MALRD1: variants seen among roughly 807,000 people sequenced by gnomAD.
The protein encoded by MALRD1 is MAM and LDL-receptor class A domain-containing protein 1.
Under a neutral mutation model 242.1 loss-of-function variants are expected in MALRD1, and 247 were observed. That is an observed-to-expected ratio of 1.02 (90% CI 0.92 to 1.13). The LOEUF (loss-of-function observed/expected upper bound fraction) is 1.13. Ranked by LOEUF, MALRD1 falls within the 50% of genes most tolerant of loss-of-function variation. The pLI is 0.00. For missense variants in MALRD1, 2,989 were observed against 2,533.1 expected, an observed-to-expected ratio of 1.18 and a Z score of -3.86; for synonymous variants, 995 against 866.6, an observed-to-expected ratio of 1.15 and a Z score of -2.60.
At chr10:19,432,389 A>G (rs1451949377) in intron 28 of MALRD1, among the ~76,000 whole-genome samples, 7 of 152,172 alleles carry the variant, frequency 4.6e-5, no homozygotes. Flanking sequence ...AATTAAGATT[A>G]TTTTTTACCT....
At chr10:19,546,318 T>C (rs1835206438) in intron 32 of MALRD1, among the ~76,000 whole-genome samples, 1 of 152,242 alleles carries the variant, frequency 6.6e-6, no homozygotes, top group African/African-American at 2.4e-5. Context: ...AGTGTGTTTA[T>C]GTTTACGATG....
At chr10:19,475,992 C>A (rs1023842522) in intron 29 of MALRD1, among the ~76,000 whole-genome samples, 1 of 152,212 alleles carries the variant, frequency 6.6e-6, no homozygotes, top group African/African-American at 2.4e-5. Flanking sequence ...CGCTCCTCTC[C>A]TCACTTTTAC....
At position 19,325,836 on chromosome 10, in the gene MALRD1, G is replaced by A. The variant is rs985879608; in HGVS notation, c.3577-1727G>A. Among the ~76,000 whole-genome samples the A allele has an allele frequency of 3.8e-4, 58 of 152,162 alleles. 1 individual carries two copies. Among genetic ancestry groups the A allele is most frequent in the African/African-American group, 1.4e-3 (57 of 41,530 alleles). On this transcript the variant is annotated intron_variant, in intron 22 of 39. Coordinates refer to ENST00000454679, the MANE Select transcript of MALRD1 (RefSeq NM_001142308.3). ...GAGTTTCCTGCTTTCTTTTTCCCCA[G>A]TAGAGAGATACAGACTGTGACTAAC...
intron 33 of MALRD1, among the ~76,000 whole-genome samples, chr10:19,586,743 G>A (rs1487816681): frequency 6.6e-6 from 1 of 152,232 alleles, no homozygotes; most frequent in African/African-American, 2.4e-5. Flanking sequence ...TTGAGCTGTG[G>A]TGGGCTCCAC....
At chr10:19,364,794 G>A (rs903398431) in intron 26 of MALRD1, among the ~76,000 whole-genome samples, 5 of 152,068 alleles carry the variant, frequency 3.3e-5, no homozygotes, top group East Asian at 1.9e-4. Context: ...CTCTACTTAT[G>A]TAATAGGGGT....
At chr10:19,555,382 A>C (rs921749425) in intron 32 of MALRD1, among the ~76,000 whole-genome samples, 3 of 152,100 alleles carry the variant, frequency 2.0e-5, no homozygotes, top group Admixed American at 1.3e-4. Flanking sequence ...GTAGGACTTC[A>C]TTTTTACAAC....
chr10:19,204,875 T>C (rs1308248774), intron 16 of MALRD1, 23 bp from the exon 17 acceptor site: 1 of 1,516,182 alleles, frequency 6.6e-7, no homozygotes, highest in Non-Finnish European at 8.9e-7. Context: ...TCACTTCCAT[T>C]TCTTACGTTT....
intron 18 of MALRD1, among the ~76,000 whole-genome samples, chr10:19,235,508 G>C (rs1202761539): frequency 6.8e-6 from 1 of 147,880 alleles, no homozygotes; most frequent in East Asian, 2.0e-4. Flanking sequence ...GTAGATTCTG[G>C]ATACTAAAAA....
chr10:19,336,254 T>C (rs997961615), intron 24 of MALRD1, among the ~76,000 whole-genome samples: 5 of 152,274 alleles, frequency 3.3e-5, no homozygotes, highest in East Asian at 1.9e-4. Context: ...TACAGAGACT[T>C]CTATGGGAAA....
chr10:19,401,156 T>G (rs1159620503), intron 28 of MALRD1, among the ~76,000 whole-genome samples: 3 of 152,172 alleles, frequency 2.0e-5, no homozygotes, highest in Non-Finnish European at 4.4e-5. Flanking sequence ...ATTAAGGATA[T>G]GATATTAATG....
chr10:19,126,209 T>C (rs1472937613), intron 7 of MALRD1, among the ~76,000 whole-genome samples: 2 of 152,166 alleles, frequency 1.3e-5, no homozygotes, highest in Admixed American at 1.3e-4. Flanking sequence ...AATTTCAGTA[T>C]GATGAGTGCA....
intron 31 of MALRD1, among the ~76,000 whole-genome samples, chr10:19,515,954 T>C (rs981826289): frequency 2.6e-5 from 4 of 152,216 alleles, no homozygotes; most frequent in Non-Finnish European, 5.9e-5. Flanking sequence ...CTTACACCTA[T>C]TTAATTCACT....
At chr10:19,450,212 A>T (rs1356905949) in intron 28 of MALRD1, 95 bp from the exon 29 acceptor site, 3 of 1,067,700 alleles carry the variant, frequency 2.8e-6, no homozygotes, top group Non-Finnish European at 4.0e-6. Flanking sequence ...TTATTGGTCA[A>T]ATGCTTCTGA....
At chr10:19,643,315 A>T (rs1840484157) in intron 36 of MALRD1, among the ~76,000 whole-genome samples, 1 of 152,020 alleles carries the variant, frequency 6.6e-6, no homozygotes, top group South Asian at 2.1e-4. Flanking sequence ...ACGTGGTGGC[A>T]GGTGCCTGTA....
Position 19,428,869 on chromosome 10 carries a change from TA to T in MALRD1, c.4846-21433del, listed in dbSNP as rs142877473. Among the ~76,000 whole-genome samples, 833 of 152,298 alleles carry T rather than the reference TA, an allele frequency of 5.5e-3. 10 individuals are homozygous for T. Among genetic ancestry groups the T allele is most frequent in the East Asian group, 0.02 (103 of 5,168 alleles). ...GAGAAATAACCATAAATTCAAAGTC[TA>T]AAAAGCTCTGAAGCTCTTTAAAAAA... On this transcript the variant is annotated intron_variant, in intron 28 of 39. Transcript: ENST00000454679.
intron 21 of MALRD1, among the ~76,000 whole-genome samples, chr10:19,317,965 TATG>T (rs1842771759): frequency 6.6e-6 from 1 of 152,072 alleles, no homozygotes; most frequent in South Asian, 2.1e-4. Context: ...CTGTGTGGTT[TATG>T]ATATGTTTTA....
At chr10:19,419,850 G>A (rs1270228019) in intron 28 of MALRD1, among the ~76,000 whole-genome samples, 1 of 152,006 alleles carries the variant, frequency 6.6e-6, no homozygotes, top group Non-Finnish European at 1.5e-5. Flanking sequence ...CATGATAAAT[G>A]TTTATTGAAT....
At chr10:19,413,378 C>T (rs867145301) in intron 28 of MALRD1, among the ~76,000 whole-genome samples, 11 of 152,008 alleles carry the variant, frequency 7.2e-5, no homozygotes, top group Non-Finnish European at 1.3e-4. Context: ...GCGCCCTAAC[C>T]CTTCAACAGT....
At chr10:19,428,078 A>G (rs576272109) in intron 28 of MALRD1, among the ~76,000 whole-genome samples, 39 of 147,876 alleles carry the variant, frequency 2.6e-4, no homozygotes, top group African/African-American at 9.5e-4. Flanking sequence ...CACCTTGTGG[A>G]CAGAATAAAG....
Sources: gnomAD v4.1 joint callset for allele counts (sites outside exome capture counted in the v4.1 genomes callset) on GRCh38, gnomAD v4.1.1 for gene constraint, MANE v1.5 for transcripts, NCBI Gene and HGNC (gene_info 2026-07-23, HGNC 2026-07-21) for gene names.